Variants in FILIP1 observed in about 807,000 individuals in gnomAD.
FILIP1 encodes filamin A interacting protein 1.
FILIP1 carries 61 observed loss-of-function variants against 102.1 expected under a neutral mutation model. That is an observed-to-expected ratio of 0.60 (90% CI 0.49 to 0.74). The LOEUF is 0.74. FILIP1 is among the 30% of genes least tolerant of loss of function. FILIP1 has a pLI of 0.00. For missense variants in FILIP1, 1,314 were observed against 1,441.2 expected (o/e 0.91, Z 1.43); for synonymous variants, 491 against 526.9 (o/e 0.93, Z 0.93).
intron 1 of FILIP1, among the ~76,000 whole-genome samples, chr6:75,456,878 A>G (rs1400875790): frequency 2.0e-5 from 3 of 151,992 alleles, no homozygotes; most frequent in African/African-American, 7.2e-5. Flanking sequence ...TCTTTATCCA[A>G]TATTTTCTTT....
At chr6:75,358,357 A>T (rs1775070087) in intron 3 of FILIP1, 1 of 152,202 alleles carries the variant, frequency 6.6e-6, no homozygotes, top group African/African-American at 2.4e-5. Context: ...AAAAATAGGG[A>T]TATTAAAATG....
intron 4 of FILIP1, among the ~76,000 whole-genome samples, chr6:75,321,780 G>A (rs1210917710): frequency 6.7e-6 from 1 of 149,214 alleles, no homozygotes; most frequent in Admixed American, 6.7e-5. Context: ...CGACCTGGGC[G>A]ACAGAGCGAG....
At chr6:75,346,263 G>A (rs1480975300) in intron 4 of FILIP1, among the ~76,000 whole-genome samples, 1 of 152,142 alleles carries the variant, frequency 6.6e-6, no homozygotes, top group Non-Finnish European at 1.5e-5. Flanking sequence ...ATTAATTCAT[G>A]GCATAACCCT....
At chr6:75,323,659 C>T (rs1356496225) in intron 4 of FILIP1, among the ~76,000 whole-genome samples, 1 of 152,082 alleles carries the variant, frequency 6.6e-6, no homozygotes, top group Non-Finnish European at 1.5e-5. Context: ...CTTCAAGAGG[C>T]TCTTAAAAGC....
intron 1 of FILIP1, among the ~76,000 whole-genome samples, chr6:75,417,881 T>C (rs1777323749): frequency 6.6e-6 from 1 of 152,148 alleles, no homozygotes; most frequent in South Asian, 2.1e-4. Context: ...AGAGGGGCTA[T>C]CCCTGATAAA....
chr6:75,377,655 G>A (rs1180714515), intron 2 of FILIP1, among the ~76,000 whole-genome samples: 1 of 152,180 alleles, frequency 6.6e-6, no homozygotes, highest in African/African-American at 2.4e-5. Context: ...CTAGCTCCTA[G>A]CACAATGACT....
intron 1 of FILIP1, among the ~76,000 whole-genome samples, chr6:75,490,621 G>A (rs1779927068): frequency 6.7e-6 from 1 of 148,452 alleles, no homozygotes; most frequent in Admixed American, 6.8e-5. Flanking sequence ...TAGAGGTCTA[G>A]GTAGATACAC....
At chr6:75,421,407 A>G (rs1777458868) in intron 1 of FILIP1, among the ~76,000 whole-genome samples, 1 of 152,196 alleles carries the variant, frequency 6.6e-6, no homozygotes, top group African/African-American at 2.4e-5. Context: ...CAGGGTAACC[A>G]GGACACAGGT....
At chr6:75,448,196 A>G (rs184945316) in intron 1 of FILIP1, among the ~76,000 whole-genome samples, 10 of 152,234 alleles carry the variant, frequency 6.6e-5, no homozygotes, top group African/African-American at 2.4e-4. Context: ...GGATTTTGTC[A>G]TACCTTCCTC....
At chr6:75,322,737 A>G (rs1352490072) in intron 4 of FILIP1, among the ~76,000 whole-genome samples, 2 of 152,324 alleles carry the variant, frequency 1.3e-5, no homozygotes, top group South Asian at 2.1e-4. Flanking sequence ...TCTGTCACTC[A>G]GGCTGAAGTG....
chr6:75,308,532 G>A lies in FILIP1; in HGVS notation c.*159C>T. On this transcript the variant is annotated 3_prime_UTR_variant, in exon 6 of 6. Coordinates refer to ENST00000237172, the MANE Select transcript of FILIP1 (RefSeq NM_015687.5). ...TTTGTTCCCCAGCATCAAAACAAAT[G>A]CACAAAATGGGAAAGACAAATGGTT... is the stretch of plus-strand genomic sequence containing the variant. The A allele has an allele frequency of 6.9e-7, 1 of 1,449,548 alleles. No individual in the cohort carries two copies. Among genetic ancestry groups the A allele is most frequent in the East Asian group, 2.5e-5 (1 of 40,152 alleles). 89.8% of individuals were successfully genotyped at this position (1,449,548 alleles called of 1,614,324 possible).
intron 1 of FILIP1, among the ~76,000 whole-genome samples, chr6:75,431,068 T>A (rs1266366308): frequency 2.0e-5 from 3 of 152,208 alleles, no homozygotes; most frequent in Non-Finnish European, 4.4e-5. Flanking sequence ...ATGTTCAGCC[T>A]TCAGTTTGTC....
At chr6:75,295,975 A>G in intron 6 of FILIP1, 1 of 1,408,028 alleles carries the variant, frequency 7.1e-7, no homozygotes, top group Non-Finnish European at 9.2e-7. Context: ...AAGACATGGC[A>G]TTTTCAATTA....
chr6:75,376,259 G>A (rs1352275320), intron 2 of FILIP1, among the ~76,000 whole-genome samples: 1 of 152,158 alleles, frequency 6.6e-6, no homozygotes, highest in Non-Finnish European at 1.5e-5. Flanking sequence ...GTGGTAGAAA[G>A]AGCATGCCCT....
At chr6:75,422,590 A>G (rs1412186782) in intron 1 of FILIP1, among the ~76,000 whole-genome samples, 1 of 152,164 alleles carries the variant, frequency 6.6e-6, no homozygotes, top group African/African-American at 2.4e-5. Flanking sequence ...CCAGAAAGAC[A>G]AGTACCTTAG....
Position 75,353,909 on chromosome 6 carries a change from T to C in FILIP1, c.451-192A>G, listed in dbSNP as rs72493037. Among the ~76,000 whole-genome samples the C allele has an allele frequency of 7.2e-3, 1,094 of 152,368 alleles. 39 individuals are homozygous for C. In the East Asian group the frequency reaches 0.11, roughly 15 times the overall value. On this transcript the variant is annotated intron_variant, in intron 3 of 5. Transcript: ENST00000237172. ...CTGTGTAAACCAACCATAATAATGC[T>C]GCAGTAACTTCTGGCTTTCTGGCTT...
At chr6:75,324,595 A>C (rs923570996) in intron 4 of FILIP1, among the ~76,000 whole-genome samples, 3 of 152,288 alleles carry the variant, frequency 2.0e-5, no homozygotes, top group African/African-American at 7.2e-5. Flanking sequence ...ACAATCCTAA[A>C]ATTTATATGG....
In FILIP1 at chr6:75,436,406, C is replaced by T. The variant is rs1778023703; in HGVS notation, c.-6-21428G>A. On this transcript the variant is annotated intron_variant, in intron 1 of 5. Transcript: ENST00000237172. ...AGAAGACACTTCTGCAAAAAGCTTC[C>T]ATTGTAAAACTGTATGCACCAAAGT... Among the ~76,000 whole-genome samples, 4 of 152,050 alleles carry T rather than the reference C, an allele frequency of 2.6e-5. No homozygotes were observed. The South Asian group carries it at 8.3e-4, about 32-fold the overall frequency.
chr6:75,403,464 G>A (rs1289658696), intron 2 of FILIP1, among the ~76,000 whole-genome samples: 2 of 141,750 alleles, frequency 1.4e-5, no homozygotes, highest in Non-Finnish European at 3.0e-5. Context: ...GCAGTGAGCT[G>A]TGCATGTCAC....
Sources: gnomAD v4.1 joint callset for allele counts (sites outside exome capture counted in the v4.1 genomes callset) on GRCh38, gnomAD v4.1.1 for gene constraint, MANE v1.5 for transcripts, NCBI Gene and HGNC (gene_info 2026-07-23, HGNC 2026-07-21) for gene names.